Variants in DMXL1 observed in about 807,000 individuals in gnomAD.
DMXL1 encodes the protein Dmx like 1, also known as dmX-like protein 1.
DMXL1 carries 99 observed loss-of-function variants against 319.2 expected under a neutral mutation model. The observed-to-expected ratio is 0.31, with a 90% CI of 0.26 to 0.37. The LOEUF is 0.37. DMXL1 is among the 10% of genes least tolerant of loss of function. DMXL1 has a pLI of 1.00. For missense variants in DMXL1, 3,745 were observed against 3,595.6 expected, an observed-to-expected ratio of 1.04 and a Z score of -1.06; for synonymous variants, 1,385 against 1,235.2, an observed-to-expected ratio of 1.12 and a Z score of -2.54.
chr5:119,092,734 T>G (rs1278567025), intron 1 of DMXL1, among the ~76,000 whole-genome samples: 1 of 152,316 alleles, frequency 6.6e-6, no homozygotes, highest in East Asian at 1.9e-4. Flanking sequence ...ACTGCCTTAC[T>G]GACTCTATGG....
intron 23 of DMXL1, 98 bp downstream of exon 23, chr5:119,167,962 A>T (rs2150244903): frequency 2.6e-6 from 3 of 1,153,142 alleles, no homozygotes; most frequent in Admixed American, 6.9e-5. Context: ...ATACAAACAA[A>T]TTGAATTCAT....
chr5:119,175,087 A>G (rs1265160095), intron 25 of DMXL1, among the ~76,000 whole-genome samples, 174 bp from the exon 26 acceptor site: 1 of 152,172 alleles, frequency 6.6e-6, no homozygotes, highest in African/African-American at 2.4e-5. Context: ...AATTTTCTGT[A>G]GTAAGACTCA....
At chr5:119,073,148 G>A (rs1308235747) in intron 1 of DMXL1, among the ~76,000 whole-genome samples, 3 of 152,074 alleles carry the variant, frequency 2.0e-5, no homozygotes, top group East Asian at 1.9e-4. Flanking sequence ...CTGCAGCCTC[G>A]ACCTCCCCGG....
intron 19 of DMXL1, among the ~76,000 whole-genome samples, chr5:119,156,162 C>T (rs1228181770): frequency 6.6e-6 from 1 of 152,224 alleles, no homozygotes; most frequent in Admixed American, 6.5e-5. Context: ...TCCCAGCCTT[C>T]AGTAACCTCT....
Position 119,178,064 on chromosome 5 carries a change from C to G in DMXL1, c.6955C>G (p.Leu2319Val), listed in dbSNP as rs1311058591. ...EEAQSGLTVL[L>V]CEILTAVYLS... is the part of the protein sequence containing the mutation. ...AGCCCAGTCAGGGCTTACAGTCTTG[C>G]TCTGTGAGATTCTCACAGCAGTGTA... Residue 2319 changes from leucine to valine, a missense_variant, in exon 28 of 44, where the codon CTC becomes GTC. Leu to Val is a conservative substitution (Grantham distance 32). Around this residue, in one of 4 missense-constraint regions of DMXL1, gnomAD observed 1,382 missense variants for 1,269.5 expected, o/e 1.09. Transcript: ENST00000539542. 6.2e-7 allele frequency: 1 copy of G among 1,613,756 alleles called. No homozygotes were observed. The highest frequency in any genetic ancestry group is 8.5e-7 in the Non-Finnish European group (1 of 1,179,684).
intron 38 of DMXL1, among the ~76,000 whole-genome samples, chr5:119,229,503 C>G (rs182926512): frequency 3.6e-4 from 55 of 152,226 alleles, no homozygotes; most frequent in African/African-American, 1.3e-3. Context: ...CCAAATTCCT[C>G]TTACACAAAC....
chr5:119,222,217 C>G (rs959615650), intron 37 of DMXL1, among the ~76,000 whole-genome samples: 1 of 152,124 alleles, frequency 6.6e-6, no homozygotes, highest in Admixed American at 6.6e-5. Flanking sequence ...TTTAAACATT[C>G]TTCAGATGAA....
At chr5:119,210,446 T>G (rs913870367) in intron 34 of DMXL1, among the ~76,000 whole-genome samples, 1 of 152,226 alleles carries the variant, frequency 6.6e-6, no homozygotes, top group African/African-American at 2.4e-5. Context: ...TTAATTTGTT[T>G]ACATGGTGTG....
chr5:119,123,385 G>GGAGGGA (rs1561645821), intron 9 of DMXL1, among the ~76,000 whole-genome samples: 3 of 34,644 alleles, frequency 8.7e-5, no homozygotes, highest in African/African-American at 1.6e-4. Context: ...GAGAGGGAGA[G>GGAGGGA]GAGGGAGAGG....
intron 1 of DMXL1, among the ~76,000 whole-genome samples, chr5:119,072,965 G>A (rs1408149932): frequency 6.6e-6 from 1 of 152,118 alleles, no homozygotes; most frequent in African/African-American, 2.4e-5. Flanking sequence ...TCCTTAGAAG[G>A]TTTTCCTAGT....
intron 32 of DMXL1, among the ~76,000 whole-genome samples, chr5:119,201,141 GT>G (rs1470597490): frequency 1.3e-5 from 2 of 152,084 alleles, no homozygotes; most frequent in Admixed American, 1.3e-4. Context: ...TCCTTGTCTT[GT>G]GTTGGTTTTC....
intron 26 of DMXL1, among the ~76,000 whole-genome samples, chr5:119,176,831 T>C (rs1581169045): frequency 1.3e-5 from 2 of 152,232 alleles, no homozygotes; most frequent in Middle Eastern, 3.4e-3. Flanking sequence ...TATCCTGAAT[T>C]CTCAAATTGT....
intron 4 of DMXL1, among the ~76,000 whole-genome samples, chr5:119,106,750 G>A (rs1421665475): frequency 6.6e-6 from 1 of 152,176 alleles, no homozygotes; most frequent in African/African-American, 2.4e-5. Flanking sequence ...CATTAGTCTG[G>A]ATGAGAAATA....
At position 119,115,509 on chromosome 5, in the gene DMXL1, G is replaced by A. The variant is rs191618694; in HGVS notation, c.565-649G>A. On this transcript the variant is annotated intron_variant, in intron 6 of 43. Transcript: ENST00000539542. ...AGCATTCTGCAAACTAAGAGTGTAA[G>A]TTACTCTAAAACCACAGTAAGGTTT... Among the ~76,000 whole-genome samples the A allele has an allele frequency of 5.3e-5, 8 of 152,292 alleles. No individual in the cohort carries two copies. The East Asian group carries it at 1.3e-3, about 26-fold the overall frequency.
chr5:119,188,754 G>A (rs937534202), intron 28 of DMXL1, among the ~76,000 whole-genome samples: 37 of 152,122 alleles, frequency 2.4e-4, no homozygotes, highest in African/African-American at 8.9e-4. Flanking sequence ...CCCTTTTTCT[G>A]AAATAACCAA....
intron 9 of DMXL1, among the ~76,000 whole-genome samples, chr5:119,126,447 C>T (rs1002644038): frequency 2.0e-5 from 3 of 152,070 alleles, no homozygotes. Context: ...AACAGTCATA[C>T]CACCAGGACA....
At chr5:119,206,021 A>G (rs1269672871) in intron 33 of DMXL1, among the ~76,000 whole-genome samples, 1 of 152,060 alleles carries the variant, frequency 6.6e-6, no homozygotes, top group African/African-American at 2.4e-5. Flanking sequence ...GAAATTTTAC[A>G]GTTTCTTCAT....
rs1581364615 is a variant in DMXL1, at chr5:119,213,344, T to G, written c.7927-3557T>G. On this transcript the variant is annotated intron_variant, in intron 34 of 43. Coordinates refer to ENST00000539542, the MANE Select transcript of DMXL1 (RefSeq NM_001290321.3). Reference sequence around the variant, plus strand: ...CCTCTAACAGAGTGAACTGTTACCCTTTTTGTTCAAGGCCAGAACTTTCAC... The same window carrying G: ...CCTCTAACAGAGTGAACTGTTACCCGTTTTGTTCAAGGCCAGAACTTTCAC... Among the ~76,000 whole-genome samples the G allele has an allele frequency of 2.0e-5, 3 of 152,290 alleles. No individual in the cohort carries two copies. The East Asian group carries it at 5.8e-4, about 29-fold the overall frequency.
intron 13 of DMXL1, among the ~76,000 whole-genome samples, chr5:119,136,585 G>A (rs1766038248): frequency 6.6e-6 from 1 of 152,268 alleles, no homozygotes. Flanking sequence ...CGGGAAAATG[G>A]TTTCATGGGC....
Sources: allele counts gnomAD v4.1 joint callset (sites outside exome capture counted in the v4.1 genomes callset), GRCh38; gene constraint gnomAD v4.1.1; regional missense constraint gnomAD v4.1.1; transcripts MANE v1.5; gene names NCBI Gene and HGNC (gene_info 2026-07-23, HGNC 2026-07-21).